Variants in CCDC148 observed in about 807,000 individuals in gnomAD.
The protein encoded by CCDC148 is coiled-coil domain-containing protein 148.
Under a neutral mutation model 85.7 loss-of-function variants are expected in CCDC148, and 89 were observed. The observed-to-expected ratio is 1.04, with a 90% CI of 0.87 to 1.24. CCDC148 has a LOEUF of 1.24. CCDC148 is among the 50% of genes most tolerant of loss of function. CCDC148 has a pLI of 0.00. For synonymous variants in CCDC148, 230 were observed against 213.9 expected (o/e 1.08, Z -0.66); for missense variants, 692 against 671.7 (o/e 1.03, Z -0.33).
At chr2:158,449,724 T>C (rs922028586) in intron 1 of CCDC148, among the ~76,000 whole-genome samples, 2 of 152,124 alleles carry the variant, frequency 1.3e-5, no homozygotes, top group Non-Finnish European at 2.9e-5. Context: ...GCTGGGATTA[T>C]AGGCATGAGC....
chr2:158,420,150 T>C (rs1370860330), intron 1 of CCDC148: 2 of 151,924 alleles, frequency 1.3e-5, no homozygotes, highest in Non-Finnish European at 2.9e-5. Flanking sequence ...AAAAAGAGAA[T>C]GGAAACAAGT....
chr2:158,425,077 A>G, intron 1 of CCDC148: 1 of 461,576 alleles, frequency 2.2e-6, no homozygotes, highest in Non-Finnish European at 4.4e-6. Context: ...TCAAGGCATA[A>G]TTGGAATCAA....
intron 1 of CCDC148, among the ~76,000 whole-genome samples, chr2:158,414,574 A>G (rs1244104786): frequency 1.5e-5 from 1 of 65,204 alleles, no homozygotes; most frequent in Non-Finnish European, 4.9e-5. Flanking sequence ...TAAAACTTAA[A>G]AGTATAAAAA....
chr2:158,213,954 G>A (rs1686709825), intron 11 of CCDC148, among the ~76,000 whole-genome samples: 2 of 151,994 alleles, frequency 1.3e-5, no homozygotes, highest in South Asian at 4.2e-4. Flanking sequence ...TACTGCATGC[G>A]AAAGAGAGAC....
At chr2:158,239,465 T>C (rs1021385372) in intron 10 of CCDC148, among the ~76,000 whole-genome samples, 1 of 152,136 alleles carries the variant, frequency 6.6e-6, no homozygotes, top group Admixed American at 6.6e-5. Context: ...CGGATTACCA[T>C]TCTACCATCT....
chr2:158,416,960 A>G (rs113330028), intron 1 of CCDC148, among the ~76,000 whole-genome samples: 26,897 of 152,186 alleles, frequency 0.18, 3,107 homozygotes, highest in Middle Eastern at 0.26. Flanking sequence ...GAAACTTACA[A>G]TCATGGCAGA....
chr2:158,243,357 G>A (rs1366695369), intron 10 of CCDC148, among the ~76,000 whole-genome samples: 1 of 151,896 alleles, frequency 6.6e-6, no homozygotes, highest in Non-Finnish European at 1.5e-5. Flanking sequence ...TCAAATTTTG[G>A]GGGACTATTA....
intron 9 of CCDC148, among the ~76,000 whole-genome samples, chr2:158,281,655 A>C (rs1690308369): frequency 6.6e-6 from 1 of 152,194 alleles, no homozygotes; most frequent in Admixed American, 6.5e-5. Flanking sequence ...AACCAAAAAG[A>C]GTCCAGGACC....
intron 2 of CCDC148, among the ~76,000 whole-genome samples, chr2:158,353,610 T>C (rs1346746785): frequency 6.6e-6 from 1 of 151,930 alleles, no homozygotes; most frequent in African/African-American, 2.4e-5. Context: ...AGACTTAGAC[T>C]CCCACACATT....
At chr2:158,326,757 GA>G (rs1325784214) in intron 7 of CCDC148, among the ~76,000 whole-genome samples, 1 of 152,050 alleles carries the variant, frequency 6.6e-6, no homozygotes, top group Non-Finnish European at 1.5e-5. Context: ...TTTAATGAAA[GA>G]GGATACAATA....
intron 2 of CCDC148, among the ~76,000 whole-genome samples, chr2:158,351,468 G>GGTGACGAACT (rs66489252): frequency 1.6e-3 from 3 of 1,928 alleles, no homozygotes; most frequent in African/African-American, 7.0e-3. Context: ...CAAAGAAAGG[G>GGTGACGAACT]GCACCTGGAA....
At chr2:158,412,125 G>C (rs1686287754) in intron 1 of CCDC148, among the ~76,000 whole-genome samples, 1 of 152,096 alleles carries the variant, frequency 6.6e-6, no homozygotes, top group Admixed American at 6.6e-5. Context: ...ACAACTACTG[G>C]GGTCCTCCTG....
intron 1 of CCDC148, among the ~76,000 whole-genome samples, chr2:158,412,617 A>G (rs1156909831): frequency 2.0e-5 from 3 of 152,172 alleles, no homozygotes; most frequent in Non-Finnish European, 4.4e-5. Flanking sequence ...AAATTGCCAA[A>G]GTTATAAATA....
chr2:158,223,077 G>C (rs1687278865), intron 10 of CCDC148, among the ~76,000 whole-genome samples: 1 of 152,158 alleles, frequency 6.6e-6, no homozygotes, highest in Admixed American at 6.5e-5. Flanking sequence ...GTCAAAGAAA[G>C]GGGTGACAGA....
chr2:158,227,762 A>G (rs1179537553), intron 10 of CCDC148, among the ~76,000 whole-genome samples: 1 of 152,232 alleles, frequency 6.6e-6, no homozygotes, highest in East Asian at 1.9e-4. Context: ...ATATATAGAA[A>G]GCTGAAACTG....
intron 9 of CCDC148, among the ~76,000 whole-genome samples, chr2:158,261,108 A>T (rs952062192): frequency 3.9e-5 from 6 of 152,078 alleles, no homozygotes; most frequent in African/African-American, 1.4e-4. Flanking sequence ...ACATTACCTG[A>T]CTTCAAACTA....
chr2:158,332,520 T>A (rs1693191500), intron 7 of CCDC148, among the ~76,000 whole-genome samples: 1 of 145,742 alleles, frequency 6.9e-6, no homozygotes, highest in Admixed American at 6.8e-5. Flanking sequence ...TCTGCCAGGT[T>A]TTGGTATCAG....
intron 7 of CCDC148, among the ~76,000 whole-genome samples, chr2:158,320,024 G>T (rs1692452890): frequency 6.6e-6 from 1 of 152,022 alleles, no homozygotes; most frequent in Non-Finnish European, 1.5e-5. Context: ...CTTCATTTTT[G>T]GGGGGACAAG....
At chr2:158,333,754 C>G (rs1693273640) in intron 7 of CCDC148, among the ~76,000 whole-genome samples, 1 of 152,056 alleles carries the variant, frequency 6.6e-6, no homozygotes, top group African/African-American at 2.4e-5. Flanking sequence ...GCATTGATCC[C>G]TTTACCTATT....
Sources: gnomAD v4.1 joint callset for allele counts (sites outside exome capture counted in the v4.1 genomes callset) on GRCh38, gnomAD v4.1.1 for gene constraint, MANE v1.5 for transcripts, NCBI Gene and HGNC (gene_info 2026-07-23, HGNC 2026-07-21) for gene names.